YY1AP1: variants seen among roughly 807,000 people sequenced by gnomAD.
YY1AP1 encodes YY1 associated protein 1.
YY1AP1 carries 43 observed loss-of-function variants against 39.9 expected under a neutral mutation model. That is an observed-to-expected ratio of 1.08 (90% CI 0.84 to 1.39). The LOEUF is 1.39. Among genes scored for constraint, YY1AP1 ranks in the 40% most tolerant of loss-of-function variants. The probability of loss-of-function intolerance (pLI) is 0.00; values close to 1 mark genes in which losing one functional copy is unlikely to be tolerated. For missense variants in YY1AP1, 813 were observed against 900.7 expected (o/e 0.90, Z 1.25); for synonymous variants, 292 against 331.3 (o/e 0.88, Z 1.29).
chr1:155,668,630 A>C lies in YY1AP1; in HGVS notation c.876T>G (p.Ile292Met). Residue 292 changes from isoleucine (I) to methionine (M), a missense_variant, in exon 9 of 11, where the codon ATT becomes ATG. Around this residue, in one of 3 missense-constraint regions of YY1AP1, gnomAD observed 586 missense variants for 647.4 expected, o/e 0.91. Coordinates refer to ENST00000355499, the MANE Select transcript of YY1AP1 (RefSeq NM_139119.3). ...AGTGCATGCAGGAAACACTCACTTTAATGATGTTGTCAGGAGCTCTGTTCA... is the reference window on the plus strand; with the variant it reads ...AGTGCATGCAGGAAACACTCACTTTCATGATGTTGTCAGGAGCTCTGTTCA... ...LNMNRAPDNIIKFYKKTKQLP... is the reference protein window; with the variant it reads ...LNMNRAPDNIMKFYKKTKQLP... 6.8e-6 allele frequency: 11 copies of C among 1,614,148 alleles called. No individual in the cohort carries two copies. The highest frequency in any genetic ancestry group is 9.3e-6 in the Non-Finnish European group (11 of 1,180,014).
intron 2 of YY1AP1, among the ~76,000 whole-genome samples, chr1:155,683,877 C>A (rs899037041): frequency 6.6e-6 from 1 of 152,140 alleles, no homozygotes; most frequent in Non-Finnish European, 1.5e-5. Context: ...TGGCTCACAT[C>A]TGTAATCCCA....
chr1:155,660,649 G>C lies in YY1AP1; in HGVS notation c.1261C>G (p.Pro421Ala), dbSNP rs1439325789. The C allele has an allele frequency of 6.2e-7, 1 of 1,614,052 alleles. No individual in the cohort carries two copies. Among genetic ancestry groups the C allele is most frequent in the Admixed American group, 1.7e-5 (1 of 59,998 alleles). Residue 421 changes from proline to alanine, a missense_variant, in exon 11 of 11, where the codon CCC becomes GCC. Around this residue, in one of 3 missense-constraint regions of YY1AP1, gnomAD observed 586 missense variants for 647.4 expected, o/e 0.91. Coordinates refer to ENST00000355499, the MANE Select transcript of YY1AP1 (RefSeq NM_139119.3). ...GGGTTGAAGCTGGGCTGGAGAGAGG[G>C]GCTGGGTTGGATAAGGAGGGGTTTC... ...VLKPLLIQPS[P>A]SLQPSFNPGK...
At chr1:155,670,562 T>C in intron 7 of YY1AP1, 98 bp from the exon 8 acceptor site, 1 of 1,322,778 alleles carries the variant, frequency 7.6e-7, no homozygotes, top group Non-Finnish European at 1.0e-6. Flanking sequence ...GAGCTGTCCT[T>C]ATCTAACTTG....
chr1:155,675,144 T>C (rs765679666), intron 5 of YY1AP1, 48 bp from the exon 6 acceptor site: 1 of 1,552,798 alleles, frequency 6.4e-7, no homozygotes, highest in South Asian at 1.1e-5. Flanking sequence ...GACACTGCCA[T>C]TTCAGGAGCC....
At chr1:155,668,602 G>C (rs748359101) in intron 9 of YY1AP1, 25 bp downstream of exon 9, 2 of 1,614,068 alleles carry the variant, frequency 1.2e-6, no homozygotes, top group Non-Finnish European at 1.7e-6. Flanking sequence ...GAGGTGCCTG[G>C]ATAGTGCATG....
At chr1:155,666,147 C>T (rs1002198875) in intron 9 of YY1AP1, among the ~76,000 whole-genome samples, 4 of 150,376 alleles carry the variant, frequency 2.7e-5, no homozygotes, top group South Asian at 2.1e-4. Context: ...TTTTTTGAGA[C>T]GGAGTCTTGC....
intron 1 of YY1AP1, 67 bp downstream of exon 1, chr1:155,688,592 C>G: frequency 2.0e-6 from 3 of 1,536,404 alleles, no homozygotes; most frequent in Non-Finnish European, 2.6e-6. Flanking sequence ...CGGGAACCTC[C>G]TCGCCCAGTT....
intron 6 of YY1AP1, 79 bp from the exon 7 acceptor site, chr1:155,672,810 A>G (rs1430873175): frequency 6.3e-7 from 1 of 1,597,186 alleles, no homozygotes; most frequent in Non-Finnish European, 8.6e-7. Flanking sequence ...CTAAATGAGA[A>G]GCTGACCTTC....
chr1:155,684,987 T>A (rs940145742), intron 2 of YY1AP1, among the ~76,000 whole-genome samples: 1 of 152,206 alleles, frequency 6.6e-6, no homozygotes, highest in African/African-American at 2.4e-5. Context: ...TCAGGAGGGC[T>A]TTCTACATGT....
chr1:155,662,245 C>G (rs1278273060), intron 9 of YY1AP1, among the ~76,000 whole-genome samples: 1 of 152,026 alleles, frequency 6.6e-6, no homozygotes, highest in East Asian at 1.9e-4. Context: ...AAACCCAGCA[C>G]TTTGTGAGGC....
chr1:155,660,124 T>C lies in YY1AP1; in HGVS notation c.1786A>G (p.Asn596Asp). 1 of 1,614,100 alleles carries C rather than the reference T, an allele frequency of 6.2e-7. No homozygotes were observed. Among genetic ancestry groups the C allele is most frequent in the Non-Finnish European group, 8.5e-7 (1 of 1,180,012 alleles). ...AATGGACAGGGGAAGGAAGTAGGGT[T>C]AACCAAGAGGGTGGCGATGGGAATA... ...QTIPIATLLV[N>D]PTSFPCPLNQ... Residue 596 changes from asparagine to aspartate, a missense_variant, in exon 11 of 11, where the codon AAC becomes GAC. By Grantham distance (23) the Asn-to-Asp change is conservative. Transcript: ENST00000355499.
In YY1AP1 at chr1:155,660,638, C is replaced by T. The variant is rs762682249; in HGVS notation, c.1272G>A (p.Gln424=). The T allele has an allele frequency of 6.2e-7, 1 of 1,614,116 alleles. No homozygotes were observed. The highest frequency in any genetic ancestry group is 1.7e-5 in the Admixed American group (1 of 60,016). ...PLLIQPSPSL[Q]PSFNPGKTPA... ...GTGTTTTCCCAGGGTTGAAGCTGGG[C>T]TGGAGAGAGGGGCTGGGTTGGATAA... is the stretch of plus-strand genomic sequence containing the variant. The change falls in exon 11 of 11, where the codon CAG becomes CAA. Residue 424 remains glutamine, a synonymous_variant. Coordinates refer to ENST00000355499, the MANE Select transcript of YY1AP1 (RefSeq NM_139119.3).
At chr1:155,687,204 T>TA in intron 2 of YY1AP1, among the ~76,000 whole-genome samples, 1 of 152,294 alleles carries the variant, frequency 6.6e-6, no homozygotes, top group Non-Finnish European at 1.5e-5. Context: ...ATGATTCTGT[T>TA]AAAGATATTT....
intron 9 of YY1AP1, among the ~76,000 whole-genome samples, chr1:155,661,783 G>A (rs553501298): frequency 1.3e-5 from 2 of 152,300 alleles, no homozygotes; most frequent in African/African-American, 4.8e-5. Context: ...AGCCTCCGGA[G>A]TAGCTGGGAC....
chr1:155,663,611 C>T (rs1352699530), intron 9 of YY1AP1, among the ~76,000 whole-genome samples: 2 of 151,650 alleles, frequency 1.3e-5, no homozygotes, highest in African/African-American at 4.8e-5. Flanking sequence ...CCCAGCTCCT[C>T]GGGACGCTGA....
At chr1:155,668,852 T>C in intron 8 of YY1AP1, 75 bp from the exon 9 acceptor site, 1 of 1,603,972 alleles carries the variant, frequency 6.2e-7, no homozygotes. Flanking sequence ...ACTAACACAT[T>C]TTACAATCTA....
chr1:155,680,744 T>A (rs1651394425), intron 2 of YY1AP1, among the ~76,000 whole-genome samples: 1 of 152,138 alleles, frequency 6.6e-6, no homozygotes, highest in Admixed American at 6.5e-5. Flanking sequence ...TTCTTCCATA[T>A]TTTGTAGAGA....
chr1:155,686,599 T>C (rs1652408831), intron 2 of YY1AP1, among the ~76,000 whole-genome samples: 2 of 152,170 alleles, frequency 1.3e-5, no homozygotes, highest in Admixed American at 6.5e-5. Flanking sequence ...GTTATATTTG[T>C]TGAATGAGTG....
At chr1:155,678,233 G>A (rs530835301) in intron 4 of YY1AP1, among the ~76,000 whole-genome samples, 27 of 152,274 alleles carry the variant, frequency 1.8e-4, no homozygotes, top group African/African-American at 6.0e-4. Flanking sequence ...TATGCAGTAG[G>A]CTAAACCATT....
Sources: gnomAD v4.1 joint callset for allele counts (sites outside exome capture counted in the v4.1 genomes callset) on GRCh38, gnomAD v4.1.1 for gene constraint, gnomAD v4.1.1 regional missense constraint, MANE v1.5 for transcripts, NCBI Gene and HGNC (gene_info 2026-07-23, HGNC 2026-07-21) for gene names.